TMEM165: variants seen among roughly 807,000 people sequenced by gnomAD.
TMEM165 encodes the protein putative divalent cation/proton antiporter TMEM165.
In TMEM165, 19 loss-of-function variants were observed where a neutral mutation model predicts 30.0. The ratio of observed to expected loss-of-function variants is 0.63; its 90% CI spans 0.44 to 0.93. The LOEUF is 0.93. Among genes scored for constraint, TMEM165 ranks in the 40% least tolerant of loss-of-function variants. The probability of loss-of-function intolerance (pLI) is 0.00; values close to 1 mark genes in which losing one functional copy is unlikely to be tolerated. For missense variants in TMEM165, 340 were observed against 417.0 expected (o/e 0.82, Z 1.61); for synonymous variants, 168 against 162.9 (o/e 1.03, Z -0.24).
chr4:55,449,132 T>A (rs1724204655), intron 3 of TMEM165, among the ~76,000 whole-genome samples: 1 of 151,530 alleles, frequency 6.6e-6, no homozygotes, highest in Non-Finnish European at 1.5e-5. Flanking sequence ...TATTTGAACT[T>A]AGACATAAAA....
At chr4:55,439,789 G>A (rs756508493) in intron 3 of TMEM165, among the ~76,000 whole-genome samples, 1 of 152,130 alleles carries the variant, frequency 6.6e-6, no homozygotes, top group Non-Finnish European at 1.5e-5. Flanking sequence ...CCATTTATAT[G>A]AGGTACTTAG....
intron 4 of TMEM165, among the ~76,000 whole-genome samples, chr4:55,419,312 T>C (rs1721869310): frequency 6.6e-6 from 1 of 152,118 alleles, no homozygotes; most frequent in Admixed American, 6.5e-5. Context: ...TTTGTTTCTG[T>C]GTAGGAACTT....
intron 3 of TMEM165, among the ~76,000 whole-genome samples, chr4:55,448,595 C>T (rs1243856945): frequency 3.0e-5 from 1 of 33,250 alleles, no homozygotes; most frequent in Non-Finnish European, 6.3e-5. Flanking sequence ...CGCGCGCGCA[C>T]GCGCGCGTGT....
At chr4:55,423,169 A>G (rs1722053594) in intron 4 of TMEM165, 3 of 152,286 alleles carry the variant, frequency 2.0e-5, no homozygotes, top group African/African-American at 7.2e-5. Context: ...TCCTGGCCTC[A>G]AGTGATCCTT....
intron 1 of TMEM165, chr4:55,403,208 G>A: frequency 1.6e-6 from 2 of 1,231,894 alleles, no homozygotes; most frequent in South Asian, 1.3e-5. Context: ...ATAACTTATT[G>A]AGCAACTTTG....
chr4:55,434,326 A>C (rs1478018167), intron 3 of TMEM165: 1 of 152,630 alleles, frequency 6.6e-6, no homozygotes, highest in Non-Finnish European at 1.5e-5. Flanking sequence ...AATTCCCATG[A>C]TTGAGAATGT....
chr4:55,403,407 C>A, intron 1 of TMEM165: 1 of 778,632 alleles, frequency 1.3e-6, no homozygotes. Flanking sequence ...AAAGGAATTA[C>A]TTTTTTCTTT....
chr4:55,445,513 T>C (rs992363074), intron 3 of TMEM165, among the ~76,000 whole-genome samples: 3 of 151,728 alleles, frequency 2.0e-5, no homozygotes, highest in Admixed American at 6.6e-5. Flanking sequence ...CTAAGTATGT[T>C]CCTTCCTTGG....
intron 3 of TMEM165, 193 bp from the exon 4 acceptor site, chr4:55,417,610 C>T (rs888983529): frequency 8.5e-6 from 5 of 585,060 alleles, no homozygotes; most frequent in Admixed American, 6.7e-5. Context: ...TGAGGAGAAA[C>T]GGAAGAATTG....
chr4:55,445,263 T>C lies in TMEM165; in HGVS notation c.409-6976T>C, dbSNP rs1723713490. ...TTGGATGGGAAGGACATTTCTCACT[T>C]TTACATACACCTGCCCCGGCAGGTG... On this transcript the variant is annotated intron_variant, in intron 3 of 3. Transcript: ENST00000608091. 1.3e-5 allele frequency among the ~76,000 whole-genome samples: 2 copies of C among 151,524 alleles called. 1 individual carries two copies. The highest frequency in any genetic ancestry group is 2.9e-5 in the Non-Finnish European group (2 of 67,860).
In TMEM165 at chr4:55,402,119, C is replaced by CA. The variant is rs71194551; in HGVS notation, c.207+5735dup. Among the ~76,000 whole-genome samples, 34 of 106,982 alleles carry CA rather than the reference C, an allele frequency of 3.2e-4. 1 individual carries two copies. The highest frequency in any genetic ancestry group is 5.8e-4 in the South Asian group (2 of 3,474). 70.2% of individuals were successfully genotyped at this position (106,982 alleles called of 152,430 possible). On this transcript the variant is annotated intron_variant, in intron 1 of 5. Coordinates refer to ENST00000381334, the MANE Select transcript of TMEM165 (RefSeq NM_018475.5). ...GGCAACAAGAGCAAAACTCTGTCTC[C>CA]AAAAAAAAAAAAGAAACTAAACACA...
intron 4 of TMEM165, among the ~76,000 whole-genome samples, chr4:55,421,300 T>C (rs906834608): frequency 0.011 from 1,437 of 130,082 alleles, 21 homozygotes; most frequent in African/African-American, 0.049. Flanking sequence ...TTTCTTTCTT[T>C]TTTTTTTTTT....
chr4:55,427,739 C>T (rs1578248828), downstream of TMEM165, among the ~76,000 whole-genome samples: 1 of 152,334 alleles, frequency 6.6e-6, no homozygotes, highest in Non-Finnish European at 1.5e-5. Context: ...GGTCCCATTA[C>T]TAGCTTCATA....
rs56157186 is a variant in TMEM165, at chr4:55,445,582, C to CTTTTTTTTTTTTTTTTTTTTTTTTT, written c.409-6655_409-6631dup. Among the ~76,000 whole-genome samples the CTTTTTTTTTTTTTTTTTTTTTTTTT allele has an allele frequency of 9.8e-4, 67 of 68,590 alleles. 13 individuals carry two copies. The highest frequency in any genetic ancestry group is 1.4e-3 in the Non-Finnish European group (53 of 36,616). 45.0% of individuals were successfully genotyped at this position (68,590 alleles called of 152,430 possible). ...TCTCTGCATCTGCTATTTCTATATT[C>CTTTTTTTTTTTTTTTTTTTTTTTTT]TTTTTTTTTTTTTTTTTTTTTTTTT... On this transcript the variant is annotated intron_variant, in intron 3 of 3. Coordinates refer to the TMEM165 transcript ENST00000608091.
chr4:55,420,118 TATAC>T (rs1421945824), intron 4 of TMEM165, among the ~76,000 whole-genome samples: 1,615 of 44,732 alleles, frequency 0.036, 109 homozygotes, highest in African/African-American at 0.091. Flanking sequence ...TATATATATA[TATAC>T]ATATATATTT....
intron 4 of TMEM165, among the ~76,000 whole-genome samples, chr4:55,421,199 T>G (rs376224401): frequency 6.9e-6 from 1 of 145,930 alleles, no homozygotes; most frequent in African/African-American, 2.5e-5. Context: ...GACGACTCAG[T>G]ATACAAATAA....
chr4:55,436,594 G>A (rs1048130949), intron 3 of TMEM165, among the ~76,000 whole-genome samples: 1 of 152,164 alleles, frequency 6.6e-6, no homozygotes. Context: ...AAATGTATAT[G>A]AAAGAAACAT....
chr4:55,421,741 C>T (rs868519876), intron 4 of TMEM165, among the ~76,000 whole-genome samples: 2 of 152,216 alleles, frequency 1.3e-5, no homozygotes, highest in African/African-American at 4.8e-5. Context: ...GCTTTCCCTT[C>T]TCCTTCAGAG....
exon 4 of TMEM165, chr4:55,452,856 T>G: frequency 4.2e-6 from 2 of 472,098 alleles, no homozygotes; most frequent in Non-Finnish European, 7.6e-6. Flanking sequence ...CAGACACATC[T>G]CTCATCCAAT....
Sources: gnomAD v4.1 joint callset for allele counts (sites outside exome capture counted in the v4.1 genomes callset) on GRCh38, gnomAD v4.1.1 for gene constraint, MANE v1.5 for transcripts, NCBI Gene and HGNC (gene_info 2026-07-23, HGNC 2026-07-21) for gene names.